The following CDC26 variants were observed in gnomAD, a reference collection of about 807,000 sequenced individuals.
CDC26 encodes the protein anaphase-promoting complex subunit CDC26.
In CDC26, 2 loss-of-function variants were observed where a neutral mutation model predicts 8.0. The ratio of observed to expected loss-of-function variants is 0.25; its 90% CI spans 0.10 to 0.79. The LOEUF (loss-of-function observed/expected upper bound fraction) is 0.79. CDC26 is among the 30% of genes least tolerant of loss of function. CDC26 has a pLI of 0.70. For synonymous variants in CDC26, 19 were observed against 34.9 expected (o/e 0.55, Z 1.60); for missense variants, 68 against 106.0 (o/e 0.64, Z 1.57).
chr9:113,274,536 G>GA (rs5900048), intron 1 of CDC26, among the ~76,000 whole-genome samples: 10,583 of 151,040 alleles, frequency 0.07, 706 homozygotes, highest in East Asian at 0.32. Flanking sequence ...CTAAAAGGGG[G>GA]AAAAAAAAAT....
At chr9:113,269,216 T>C (rs531966445) in intron 3 of CDC26, among the ~76,000 whole-genome samples, 84 of 151,208 alleles carry the variant, frequency 5.6e-4, no homozygotes, top group Admixed American at 3.2e-3. Flanking sequence ...AGCAAGACCC[T>C]GTCTCAACAA....
At chr9:113,274,841 G>A (rs1832030889) in intron 1 of CDC26, among the ~76,000 whole-genome samples, 1 of 151,978 alleles carries the variant, frequency 6.6e-6, no homozygotes, top group South Asian at 2.1e-4. Context: ...TTGTTCTAGG[G>A]GGTTGCATGA....
chr9:113,274,842 G>T (rs1222211805), intron 1 of CDC26, among the ~76,000 whole-genome samples: 1 of 152,128 alleles, frequency 6.6e-6, no homozygotes, highest in African/African-American at 2.4e-5. Context: ...TGTTCTAGGG[G>T]GTTGCATGAG....
At chr9:113,274,587 C>T (rs951219640) in intron 1 of CDC26, among the ~76,000 whole-genome samples, 1 of 151,984 alleles carries the variant, frequency 6.6e-6, no homozygotes, top group Non-Finnish European at 1.5e-5. Flanking sequence ...AAAAACTGGC[C>T]ACTAGGGAGC....
chr9:113,267,983 CT>C (rs1414166747), intron 3 of CDC26, among the ~76,000 whole-genome samples: 4 of 152,120 alleles, frequency 2.6e-5, no homozygotes, highest in Non-Finnish European at 4.4e-5. Context: ...GAGACTCTGT[CT>C]TAAAAAAAAC....
At chr9:113,271,831 T>C (rs932912472) in intron 3 of CDC26, among the ~76,000 whole-genome samples, 4 of 152,204 alleles carry the variant, frequency 2.6e-5, no homozygotes, top group Admixed American at 6.5e-5. Context: ...TGTGTATGTA[T>C]GTGTGTGTAT....
chr9:113,274,202 C>T (rs1028294581), intron 1 of CDC26, among the ~76,000 whole-genome samples: 4 of 152,026 alleles, frequency 2.6e-5, no homozygotes, highest in African/African-American at 9.7e-5. Context: ...TAATTTTAGC[C>T]TCCTATAAAA....
intron 3 of CDC26, among the ~76,000 whole-genome samples, chr9:113,269,864 G>A (rs1775563720): frequency 6.6e-6 from 1 of 152,182 alleles, no homozygotes. Context: ...AAAGCTGTTG[G>A]TGAATATATG....
Position 113,275,504 on chromosome 9 carries a change from C to G in CDC26, c.-274G>C. The G allele has an allele frequency of 2.1e-6, 1 of 486,422 alleles. No individual in the cohort carries two copies. Among genetic ancestry groups the G allele is most frequent in the East Asian group, 3.4e-5 (1 of 29,104 alleles). 30.1% of individuals were successfully genotyped at this position (486,422 alleles called of 1,614,324 possible). A position where few individuals can be genotyped will look rare whatever the true frequency, so the allele number is the denominator to read the frequency against. ...AGCCTCTCTCTCCGCAGAACCTCGT[C>G]TTCCGCGAGCTTTTCCTGGAGGTTC... On this transcript the variant is annotated 5_prime_UTR_variant, in exon 1 of 4. Transcript: ENST00000374206.
chr9:113,275,124 C>T (rs1035086632), intron 1 of CDC26, among the ~76,000 whole-genome samples: 13 of 152,164 alleles, frequency 8.5e-5, no homozygotes, highest in African/African-American at 3.1e-4. Flanking sequence ...AATCTCCCGC[C>T]GCAGCCCAAA....
In CDC26 at chr9:113,275,422, TCCC is replaced by T; in HGVS notation, c.-195_-193del. 1 of 321,932 alleles carries T rather than the reference TCCC, an allele frequency of 3.1e-6. No homozygotes were observed. Among genetic ancestry groups the T allele is most frequent in the Non-Finnish European group, 5.7e-6 (1 of 175,028 alleles). 19.9% of individuals were successfully genotyped at this position (321,932 alleles called of 1,614,324 possible). A position where few individuals can be genotyped will look rare whatever the true frequency, so the allele number is the denominator to read the frequency against. On this transcript the variant is annotated 5_prime_UTR_variant, in exon 1 of 4. Coordinates refer to ENST00000374206, the MANE Select transcript of CDC26 (RefSeq NM_139286.4). The stretch of plus-strand genomic sequence containing the variant: ...CCTAGCCCCTTCCCGGAACCTCGGC[TCCC>T]CCCCAACGAAACTACTGCTAAGCCA...
At chr9:113,269,675 TTA>T (rs1264407154) in intron 3 of CDC26, among the ~76,000 whole-genome samples, 3 of 152,230 alleles carry the variant, frequency 2.0e-5, no homozygotes, top group Non-Finnish European at 2.9e-5. Context: ...TGCTAGCATT[TTA>T]TGAGATTCGT....
At chr9:113,272,693 T>C in intron 2 of CDC26, 145 bp from the exon 3 acceptor site, 2 of 237,234 alleles carry the variant, frequency 8.4e-6, no homozygotes, top group Non-Finnish European at 1.6e-5. Context: ...TCTAAAGTCT[T>C]TTTTTTTTTT....
intron 3 of CDC26, among the ~76,000 whole-genome samples, chr9:113,269,539 TC>T (rs1831922061): frequency 7.6e-6 from 1 of 131,260 alleles, no homozygotes; most frequent in Non-Finnish European, 1.6e-5. Flanking sequence ...TCTACTGGTT[TC>T]ACTTTAGGGC....
intron 3 of CDC26, 89 bp from the exon 4 acceptor site, chr9:113,267,528 C>G: frequency 6.9e-7 from 1 of 1,441,572 alleles, no homozygotes. Context: ...TAGGCATGGG[C>G]TAAATGATAG....
Position 113,272,484 on chromosome 9 carries a change from G to A in CDC26, c.24C>T (p.Arg8=). 2 of 1,613,088 alleles carry A rather than the reference G, an allele frequency of 1.2e-6. No individual in the cohort carries two copies. Among genetic ancestry groups the A allele is most frequent in the Non-Finnish European group, 1.7e-6 (2 of 1,179,286 alleles). The change falls in exon 3 of 4, where the codon CGC becomes CGT. Residue 8 remains arginine, a synonymous_variant. Transcript: ENST00000374206. MLRRKPT[R]LELKLDDIEE... ...CAATGTCATCAAGCTTTAGCTCTAGGCGTGTTGGTTTCCGTCTCAGCATAC... is the reference window on the plus strand; with the variant it reads ...CAATGTCATCAAGCTTTAGCTCTAGACGTGTTGGTTTCCGTCTCAGCATAC...
chr9:113,270,325 TAA>T (rs1831933875), intron 3 of CDC26, among the ~76,000 whole-genome samples: 1 of 152,226 alleles, frequency 6.6e-6, no homozygotes, highest in Non-Finnish European at 1.5e-5. Flanking sequence ...CTGAAGAATT[TAA>T]GTCTTATTAA....
intron 3 of CDC26, 97 bp downstream of exon 3, chr9:113,272,330 G>A (rs953877891): frequency 1.2e-5 from 11 of 882,306 alleles, no homozygotes; most frequent in Middle Eastern, 3.4e-4. Context: ...AGGCAGAGGA[G>A]GCAGAGGTTG....
At chr9:113,269,474 G>C (rs1456476552) in intron 3 of CDC26, among the ~76,000 whole-genome samples, 3 of 152,192 alleles carry the variant, frequency 2.0e-5, no homozygotes, top group Admixed American at 2.0e-4. Flanking sequence ...TCAGAAGCTA[G>C]AGTCACAGTA....
Sources: allele counts gnomAD v4.1 joint callset (sites outside exome capture counted in the v4.1 genomes callset), GRCh38; gene constraint gnomAD v4.1.1; transcripts MANE v1.5; gene names NCBI Gene and HGNC (gene_info 2026-07-23, HGNC 2026-07-21).